STXBP5: variants seen among roughly 807,000 people sequenced by gnomAD.
STXBP5 encodes the protein syntaxin binding protein 5.
STXBP5 carries 50 observed loss-of-function variants against 152.4 expected under a neutral mutation model. The observed-to-expected ratio is 0.33, with a 90% confidence interval of 0.26 to 0.42. The LOEUF is 0.42. Among genes scored for constraint, STXBP5 ranks in the 10% least tolerant of loss-of-function variants. The pLI, the probability that STXBP5 is intolerant of heterozygous loss-of-function variation, is 1.00. For missense variants in STXBP5, 1,167 were observed against 1,388.6 expected (o/e 0.84, Z 2.54); for synonymous variants, 492 against 494.7 (o/e 0.99, Z 0.07).
At chr6:147,239,384 T>A (rs987388242) in intron 4 of STXBP5, 114 bp downstream of exon 4, 3 of 805,864 alleles carry the variant, frequency 3.7e-6, no homozygotes, top group South Asian at 4.1e-5. Flanking sequence ...AAAAACTGAT[T>A]CAGAAGCTTC....
At chr6:147,367,161 G>A (rs1314461237) in intron 25 of STXBP5, among the ~76,000 whole-genome samples, 2 of 152,122 alleles carry the variant, frequency 1.3e-5, no homozygotes, top group African/African-American at 2.4e-5. Flanking sequence ...TAGTGTTTGA[G>A]GTGAAAAATA....
chr6:147,256,562 T>C (rs1216495932), intron 4 of STXBP5, among the ~76,000 whole-genome samples: 1 of 152,150 alleles, frequency 6.6e-6, no homozygotes, highest in Non-Finnish European at 1.5e-5. Flanking sequence ...AGAAGCATTA[T>C]GGTAGAAGGG....
In STXBP5 at chr6:147,283,510, C is replaced by T. The variant is rs536228457; in HGVS notation, c.838+5306C>T. 2.0e-5 allele frequency among the ~76,000 whole-genome samples: 3 copies of T among 152,240 alleles called. No homozygotes were observed. In the South Asian group the frequency reaches 6.2e-4, roughly 32 times the overall value. On this transcript the variant is annotated intron_variant, in intron 8 of 27. Coordinates refer to ENST00000321680, the MANE Select transcript of STXBP5 (RefSeq NM_001127715.4). ...TACAGGAGGAGAAAGAGAATGCAGGCAGGTATTCTGAAACATCCCTCCCCT... is the reference window on the plus strand; with the variant it reads ...TACAGGAGGAGAAAGAGAATGCAGGTAGGTATTCTGAAACATCCCTCCCCT...
Position 147,384,806 on chromosome 6 carries a change from A to C in STXBP5, c.*51A>C. On this transcript the variant is annotated 3_prime_UTR_variant, in exon 28 of 28. Transcript: ENST00000321680. ...TCAGCCAGAAGGAAAAAAGTTTTCC[A>C]TTTTTATTACATTCTTTAGGAAAGT... 6.4e-7 allele frequency: 1 copy of C among 1,552,906 alleles called. No individual in the cohort carries two copies. Among genetic ancestry groups the C allele is most frequent in the East Asian group, 2.2e-5 (1 of 44,492 alleles).
chr6:147,300,792 A>G (rs191903909), intron 9 of STXBP5, among the ~76,000 whole-genome samples: 13 of 152,250 alleles, frequency 8.5e-5, no homozygotes, highest in Admixed American at 7.8e-4. Context: ...ACAAAAGCCA[A>G]AATAGAAAAA....
At chr6:147,289,364 A>G (rs1445222020) in intron 8 of STXBP5, among the ~76,000 whole-genome samples, 2 of 152,186 alleles carry the variant, frequency 1.3e-5, no homozygotes, top group Non-Finnish European at 2.9e-5. Context: ...TCCAAATTCA[A>G]GAAAAGCTGT....
intron 27 of STXBP5, among the ~76,000 whole-genome samples, chr6:147,383,697 A>G (rs987671061): frequency 1.3e-5 from 2 of 152,066 alleles, no homozygotes; most frequent in Non-Finnish European, 2.9e-5. Flanking sequence ...GCCCTGGAGG[A>G]CATTTTGAAT....
intron 9 of STXBP5, among the ~76,000 whole-genome samples, chr6:147,309,305 A>G (rs1782250227): frequency 6.6e-6 from 1 of 152,172 alleles, no homozygotes; most frequent in South Asian, 2.1e-4. Flanking sequence ...AGAAAATTTA[A>G]TTCATCTGTA....
intron 25 of STXBP5, 141 bp from the exon 26 acceptor site, chr6:147,373,590 C>T (rs553172863): frequency 5.4e-6 from 3 of 557,128 alleles, no homozygotes; most frequent in East Asian, 5.8e-5. Context: ...TGTATCTGAT[C>T]GTAGGACATG....
At chr6:147,260,788 T>C (rs747215731) in intron 5 of STXBP5, 39 bp downstream of exon 5, 12 of 1,602,082 alleles carry the variant, frequency 7.5e-6, no homozygotes, top group Admixed American at 1.7e-5. Context: ...AAAGCATCAG[T>C]TCTATATATA....
At chr6:147,270,620 T>C (rs531133900) in intron 7 of STXBP5, among the ~76,000 whole-genome samples, 19 of 152,078 alleles carry the variant, frequency 1.2e-4, no homozygotes, top group African/African-American at 4.3e-4. Flanking sequence ...CTATAAGATA[T>C]GTTAAAAGAA....
intron 23 of STXBP5, among the ~76,000 whole-genome samples, 159 bp from the exon 24 acceptor site, chr6:147,363,176 A>G (rs1785140738): frequency 6.6e-6 from 1 of 152,228 alleles, no homozygotes; most frequent in African/African-American, 2.4e-5. Context: ...AGACTCATAA[A>G]TACCACGCTT....
In STXBP5 at chr6:147,251,410, G is replaced by A. The variant is rs986062741; in HGVS notation, c.432-9205G>A. ...AGCTACAGGAGTTTTTTTTCATATC[G>A]CAGTGGCACCTGGAATGCCAGCAAG... is the stretch of plus-strand genomic sequence containing the variant. On this transcript the variant is annotated intron_variant, in intron 4 of 27. Transcript: ENST00000321680. Among the ~76,000 whole-genome samples, 4 of 152,098 alleles carry A rather than the reference G, an allele frequency of 2.6e-5. No homozygotes were observed. The South Asian group carries it at 8.3e-4, about 32-fold the overall frequency.
At chr6:147,323,495 G>A (rs969436071) in intron 16 of STXBP5, among the ~76,000 whole-genome samples, 4 of 151,776 alleles carry the variant, frequency 2.6e-5, no homozygotes, top group South Asian at 2.1e-4. Context: ...AGGTTCAGGC[G>A]ATTCTCCTGC....
chr6:147,278,717 A>T (rs1419035151), intron 8 of STXBP5, among the ~76,000 whole-genome samples: 1 of 152,148 alleles, frequency 6.6e-6, no homozygotes, highest in Non-Finnish European at 1.5e-5. Context: ...CATTGCTGTG[A>T]TTTATTACAA....
chr6:147,276,552 GTTT>G (rs1395368460), intron 7 of STXBP5, among the ~76,000 whole-genome samples: 1 of 152,018 alleles, frequency 6.6e-6, no homozygotes, highest in Non-Finnish European at 1.5e-5. Context: ...CTATTAAGAT[GTTT>G]TTATCTATAG....
chr6:147,222,857 T>C (rs1777526999), intron 2 of STXBP5, among the ~76,000 whole-genome samples: 1 of 152,232 alleles, frequency 6.6e-6, no homozygotes, highest in Non-Finnish European at 1.5e-5. Flanking sequence ...GTTTTTGACT[T>C]TCTGACTTGC....
chr6:147,357,090 T>C (rs1340801512), intron 22 of STXBP5, among the ~76,000 whole-genome samples: 1 of 152,172 alleles, frequency 6.6e-6, no homozygotes, highest in East Asian at 1.9e-4. Flanking sequence ...GCAGTCACTT[T>C]AGAGTGAGGC....
At chr6:147,276,456 A>T (rs1164112809) in intron 7 of STXBP5, among the ~76,000 whole-genome samples, 1 of 152,126 alleles carries the variant, frequency 6.6e-6, no homozygotes, top group East Asian at 1.9e-4. Context: ...TTAAACAAAG[A>T]TACACATTGT....
Sources: allele counts gnomAD v4.1 joint callset (sites outside exome capture counted in the v4.1 genomes callset), GRCh38; gene constraint gnomAD v4.1.1; transcripts MANE v1.5; gene names NCBI Gene and HGNC (gene_info 2026-07-23, HGNC 2026-07-21).